The following C5orf34 variants were observed in gnomAD, a reference collection of about 807,000 sequenced individuals.
The protein encoded by C5orf34 is uncharacterized protein C5orf34.
In C5orf34, 73 loss-of-function variants were observed where a neutral mutation model predicts 78.4. The observed-to-expected ratio is 0.93, with a 90% CI of 0.77 to 1.13. The LOEUF (loss-of-function observed/expected upper bound fraction) is 1.13, where lower values mean the gene tolerates loss of function less well. Ranked by LOEUF, C5orf34 falls within the 50% of genes most tolerant of loss-of-function variation. C5orf34 has a pLI of 0.00. For synonymous variants in C5orf34, 251 were observed against 246.6 expected (o/e 1.02, Z -0.17); for missense variants, 730 against 732.7 (o/e 1.00, Z 0.04).
chr5:43,500,301 G>C (rs1442066289), intron 6 of C5orf34, among the ~76,000 whole-genome samples: 1 of 151,976 alleles, frequency 6.6e-6, no homozygotes, highest in African/African-American at 2.4e-5. Flanking sequence ...TTCTATTAGG[G>C]TATTTTGGTT....
intron 10 of C5orf34, among the ~76,000 whole-genome samples, chr5:43,491,972 C>A (rs1745303250): frequency 6.7e-6 from 1 of 149,340 alleles, no homozygotes; most frequent in African/African-American, 2.5e-5. Context: ...CCATTGTACT[C>A]CGGCCCAGGC....
At chr5:43,500,484 C>T (rs977252604) in intron 6 of C5orf34, among the ~76,000 whole-genome samples, 1 of 152,280 alleles carries the variant, frequency 6.6e-6, no homozygotes, top group East Asian at 1.9e-4. Context: ...CAACCTCCAC[C>T]TCCCAGGTTC....
chr5:43,502,315 AT>A, intron 6 of C5orf34, 56 bp downstream of exon 6: 1 of 1,574,796 alleles, frequency 6.4e-7, no homozygotes. Context: ...ATTTGGAATT[AT>A]TTAGAAAGAG....
At chr5:43,493,481 G>A (rs1745367402) in intron 8 of C5orf34, 62 bp downstream of exon 8, 1 of 978,446 alleles carries the variant, frequency 1.0e-6, no homozygotes, top group Non-Finnish European at 1.6e-6. Context: ...GAACTCAGAA[G>A]TATGGATATA....
intron 6 of C5orf34, among the ~76,000 whole-genome samples, chr5:43,501,108 A>G (rs1745740072): frequency 6.6e-6 from 1 of 152,092 alleles, no homozygotes; most frequent in Non-Finnish European, 1.5e-5. Flanking sequence ...AAAAATTATC[A>G]CCCCCTCCCG....
Position 43,506,406 on chromosome 5 carries a change from G to A in C5orf34, c.286-12C>T, listed in dbSNP as rs1252554770. 1 of 1,571,452 alleles carries A rather than the reference G, an allele frequency of 6.4e-7. No individual in the cohort carries two copies. Among genetic ancestry groups the A allele is most frequent in the Non-Finnish European group, 8.6e-7 (1 of 1,161,282 alleles). ...TCAATGAAGATATGCTGCAAGGAGA[G>A]GGGAAAAGAGACGGTGAGTATTTTC... On this transcript the variant is annotated splice_polypyrimidine_tract_variant and intron_variant, in intron 3 of 12. Coordinates refer to ENST00000306862, the MANE Select transcript of C5orf34 (RefSeq NM_198566.4).
intron 7 of C5orf34, 76 bp from the exon 8 acceptor site, chr5:43,493,688 T>C: frequency 1.3e-6 from 1 of 768,294 alleles, no homozygotes; most frequent in Non-Finnish European, 2.2e-6. Context: ...TTCACTGCCA[T>C]ACAACATTTT....
chr5:43,487,655 C>T (rs780386336), intron 12 of C5orf34, among the ~76,000 whole-genome samples: 45 of 152,004 alleles, frequency 3.0e-4, no homozygotes, highest in Admixed American at 6.6e-4. Flanking sequence ...GTGAAAAAGT[C>T]TCCAAAGGAG....
chr5:43,492,348 T>A, intron 9 of C5orf34, 39 bp from the exon 10 acceptor site: 1 of 1,340,020 alleles, frequency 7.5e-7, no homozygotes, highest in Non-Finnish European at 1.1e-6. Context: ...ATTTTAGAAC[T>A]GAAAAAAAGA....
intron 12 of C5orf34, 75 bp from the exon 13 acceptor site, chr5:43,487,186 CT>C (rs1174624164): frequency 1.5e-6 from 1 of 667,090 alleles, no homozygotes; most frequent in Non-Finnish European, 2.3e-6. Context: ...AAAGCATAGG[CT>C]TCATATTAAA....
At position 43,492,294 on chromosome 5, in the gene C5orf34, T is replaced by A. The variant is rs138845538; in HGVS notation, c.1501A>T (p.Asn501Tyr). The A allele has an allele frequency of 6.9e-4, 1,107 of 1,606,696 alleles. 3 individuals are homozygous for A. The highest frequency in any genetic ancestry group is 8.0e-4 in the Non-Finnish European group (942 of 1,175,858). The change falls in exon 10 of 13, where the codon AAC (asparagine) becomes TAC (tyrosine). Residue 501 changes from asparagine (N) to tyrosine (Y), a missense_variant. Asn to Tyr is a moderately radical substitution (Grantham distance 143). Transcript: ENST00000306862. ...AAAGTTAACTTACACCAACCTAAGT[T>A]AAGACCTTGATTTACCTGAAGAAGT... is the stretch of plus-strand genomic sequence containing the variant. Reference protein sequence around the residue: ...IEKRQVNQGLNLGWCKLTFPD... With the variant: ...IEKRQVNQGLYLGWCKLTFPD...
intron 6 of C5orf34, among the ~76,000 whole-genome samples, chr5:43,499,489 C>T (rs1055763986): frequency 1.3e-5 from 2 of 152,014 alleles, no homozygotes; most frequent in Non-Finnish European, 2.9e-5. Flanking sequence ...TTTAATTATA[C>T]AATAAATAAT....
chr5:43,510,188 C>G (rs1447121772), intron 1 of C5orf34, among the ~76,000 whole-genome samples: 1 of 152,078 alleles, frequency 6.6e-6, no homozygotes, highest in African/African-American at 2.4e-5. Context: ...CAGAAAGTAA[C>G]TATTAGGCCT....
In C5orf34 at chr5:43,511,202, C is replaced by T. The variant is rs555688011; in HGVS notation, c.-36-1827G>A. The T allele has an allele frequency of 4.3e-3, 731 of 170,332 alleles. 5 individuals carry two copies. The highest frequency in any genetic ancestry group is 0.016 in the African/African-American group (638 of 41,010). 10.6% of individuals were successfully genotyped at this position (170,332 alleles called of 1,614,324 possible). ...CTGAGAAGTGAGGAGCCCCTCTGCC[C>T]GGCAGCCGACCCGTCTGAGAAGTGA... On this transcript the variant is annotated intron_variant, in intron 1 of 12. Coordinates refer to ENST00000306862, the MANE Select transcript of C5orf34 (RefSeq NM_198566.4).
rs761064669 is a variant in C5orf34, at chr5:43,508,654, G to A, written c.208C>T (p.Arg70Ter). The A allele has an allele frequency of 5.0e-5, 79 of 1,590,584 alleles. No homozygotes were observed. The highest frequency in any genetic ancestry group is 1.7e-4 in the Middle Eastern group (1 of 6,036). ...VISTYREQLQ[R>*]ALDFRNSSAT... Reference sequence around the variant, plus strand: ...GAAGAGTTTCGAAAATCTAGGGCTCGCTGTAGTTGCTCCTATGAAAAGAAA... The same window carrying A: ...GAAGAGTTTCGAAAATCTAGGGCTCACTGTAGTTGCTCCTATGAAAAGAAA... The change falls in exon 3 of 13, where the codon CGA becomes TGA. Residue 70 changes from arginine to a stop codon, truncating the protein, a stop_gained. Transcript: ENST00000306862. LOFTEE classifies it high-confidence loss of function.
chr5:43,490,576 A>T (rs1745239622), intron 11 of C5orf34, 55 bp downstream of exon 11: 5 of 1,176,592 alleles, frequency 4.2e-6, no homozygotes, highest in Non-Finnish European at 3.7e-6. Context: ...TGACATTTTA[A>T]TTTTTTTTAA....
intron 11 of C5orf34, among the ~76,000 whole-genome samples, chr5:43,489,962 A>G (rs997302801): frequency 6.6e-6 from 1 of 152,058 alleles, no homozygotes; most frequent in Non-Finnish European, 1.5e-5. Context: ...CTGAACTCCT[A>G]TTTATTATAA....
At chr5:43,497,102 A>C (rs1330389125) in intron 6 of C5orf34, among the ~76,000 whole-genome samples, 3 of 152,204 alleles carry the variant, frequency 2.0e-5, no homozygotes. Context: ...TGTGGAAGAA[A>C]AAATTATTTA....
At chr5:43,493,910 G>A (rs974800211) in intron 7 of C5orf34, among the ~76,000 whole-genome samples, 2 of 152,006 alleles carry the variant, frequency 1.3e-5, no homozygotes, top group Non-Finnish European at 2.9e-5. Context: ...CACACTGCCT[G>A]GAAAGTTTCA....
Sources: gnomAD v4.1 joint callset for allele counts (sites outside exome capture counted in the v4.1 genomes callset) on GRCh38, gnomAD v4.1.1 for gene constraint, MANE v1.5 for transcripts, NCBI Gene and HGNC (gene_info 2026-07-23, HGNC 2026-07-21) for gene names.